The following GMDS variants were observed in gnomAD, a reference collection of about 807,000 sequenced individuals.
The protein encoded by GMDS is GDP-mannose 4,6-dehydratase, also known as GDP-mannose 4,6 dehydratase.
GMDS carries 20 observed loss-of-function variants against 49.9 expected under a neutral mutation model. The ratio of observed to expected loss-of-function variants is 0.40; its 90% CI spans 0.28 to 0.58. GMDS has a LOEUF of 0.58. GMDS is among the 20% of genes least tolerant of loss of function. The probability of loss-of-function intolerance (pLI) is 0.42; values close to 1 mark genes in which losing one functional copy is unlikely to be tolerated. For missense variants in GMDS, 362 were observed against 481.4 expected (o/e 0.75, Z 2.32); for synonymous variants, 177 against 178.6 (o/e 0.99, Z 0.07).
chr6:2,117,411 A>C, intron 3 of GMDS, 58 bp downstream of exon 3: 4 of 990,064 alleles, frequency 4.0e-6, no homozygotes, highest in Non-Finnish European at 6.5e-6. Flanking sequence ...TTATCTGAAC[A>C]TAGGAACATC....
chr6:1,870,231 C>T (rs1358268668), intron 7 of GMDS, among the ~76,000 whole-genome samples: 7 of 152,204 alleles, frequency 4.6e-5, no homozygotes, highest in Non-Finnish European at 7.3e-5. Context: ...ATGATCAATA[C>T]GGCAGGTTTG....
chr6:1,795,555 T>C (rs527614172), intron 7 of GMDS, among the ~76,000 whole-genome samples: 2 of 152,172 alleles, frequency 1.3e-5, no homozygotes, highest in Non-Finnish European at 2.9e-5. Context: ...GGGGAAAAAT[T>C]AAAAGGTGAA....
chr6:1,799,589 C>G (rs1769867781), intron 7 of GMDS, among the ~76,000 whole-genome samples: 1 of 151,974 alleles, frequency 6.6e-6, no homozygotes, highest in South Asian at 2.1e-4. Flanking sequence ...TAGTCACATT[C>G]TAGAATAACA....
intron 4 of GMDS, among the ~76,000 whole-genome samples, chr6:2,056,550 A>G (rs1770790201): frequency 6.6e-6 from 1 of 152,166 alleles, no homozygotes; most frequent in East Asian, 1.9e-4. Context: ...ACAAATTTCA[A>G]CACAAGAGAC....
At chr6:1,876,173 G>A (rs1009757804) in intron 7 of GMDS, among the ~76,000 whole-genome samples, 15 of 147,912 alleles carry the variant, frequency 1.0e-4, no homozygotes, top group African/African-American at 3.2e-4. Context: ...CAGGAGACTC[G>A]CTTGAACCCG....
chr6:1,989,280 G>A (rs933570849), intron 4 of GMDS, among the ~76,000 whole-genome samples: 6 of 152,196 alleles, frequency 3.9e-5, no homozygotes, highest in Admixed American at 3.9e-4. Context: ...CTTGGTGTGA[G>A]GAAGAGAAGC....
At chr6:2,067,502 A>G (rs1771683676) in intron 4 of GMDS, among the ~76,000 whole-genome samples, 1 of 152,158 alleles carries the variant, frequency 6.6e-6, no homozygotes, top group Admixed American at 6.6e-5. Context: ...GATCAACAAA[A>G]TTGATAAACC....
intron 7 of GMDS, among the ~76,000 whole-genome samples, chr6:1,883,461 T>C (rs1759459304): frequency 6.6e-6 from 1 of 152,178 alleles, no homozygotes; most frequent in Admixed American, 6.5e-5. Flanking sequence ...TTTTTATACA[T>C]TGATTAATGG....
chr6:2,084,739 C>T (rs1276118418), intron 4 of GMDS, among the ~76,000 whole-genome samples: 1 of 152,104 alleles, frequency 6.6e-6, no homozygotes, highest in Non-Finnish European at 1.5e-5. Flanking sequence ...GATCTCCTGA[C>T]CTTGTGATCC....
chr6:1,696,693 A>C (rs538479524), intron 9 of GMDS, among the ~76,000 whole-genome samples: 1 of 152,362 alleles, frequency 6.6e-6, no homozygotes, highest in East Asian at 1.9e-4. Flanking sequence ...ATGACCTGAT[A>C]CAAGTCATAG....
chr6:2,202,415 A>C (rs1405345012), intron 1 of GMDS, among the ~76,000 whole-genome samples: 1 of 146,828 alleles, frequency 6.8e-6, no homozygotes, highest in Non-Finnish European at 1.5e-5. Flanking sequence ...GTCGAGTAAG[A>C]CTGCTGCCAA....
intron 1 of GMDS, among the ~76,000 whole-genome samples, chr6:2,209,146 T>A (rs1779945206): frequency 6.6e-6 from 1 of 152,240 alleles, no homozygotes; most frequent in Non-Finnish European, 1.5e-5. Context: ...AGACTTCTTA[T>A]AACATCTTTT....
At chr6:1,747,801 T>C (rs1767569116) in intron 7 of GMDS, among the ~76,000 whole-genome samples, 1 of 152,184 alleles carries the variant, frequency 6.6e-6, no homozygotes, top group South Asian at 2.1e-4. Context: ...AATAAAACTA[T>C]ACTAATAAAA....
At chr6:1,644,713 G>T (rs1055884974) in intron 9 of GMDS, among the ~76,000 whole-genome samples, 8 of 152,142 alleles carry the variant, frequency 5.3e-5, no homozygotes, top group Non-Finnish European at 7.3e-5. Context: ...AGGTTTTCTG[G>T]TGACCACAGA....
intron 1 of GMDS, among the ~76,000 whole-genome samples, chr6:2,222,713 G>T (rs940875906): frequency 6.6e-6 from 1 of 152,218 alleles, no homozygotes; most frequent in African/African-American, 2.4e-5. Context: ...CAGGCGGTCA[G>T]TAGGCACCAC....
At chr6:1,896,146 T>C (rs1760166563) in intron 7 of GMDS, among the ~76,000 whole-genome samples, 1 of 152,186 alleles carries the variant, frequency 6.6e-6, no homozygotes, top group South Asian at 2.1e-4. Flanking sequence ...TTTCTCAAAC[T>C]TGGCACTACT....
chr6:1,944,202 C>G (rs1762950350), intron 6 of GMDS, among the ~76,000 whole-genome samples: 1 of 152,136 alleles, frequency 6.6e-6, no homozygotes, highest in Non-Finnish European at 1.5e-5. Flanking sequence ...TAAGGCAGAG[C>G]CACTTCCTAA....
chr6:1,650,712 T>A (rs1194230518), intron 9 of GMDS, among the ~76,000 whole-genome samples: 1 of 151,788 alleles, frequency 6.6e-6, no homozygotes, highest in Non-Finnish European at 1.5e-5. Context: ...AGTAGCTGGA[T>A]TACAGGTGTG....
intron 7 of GMDS, among the ~76,000 whole-genome samples, chr6:1,873,293 G>A (rs1253319457): frequency 1.3e-5 from 2 of 152,148 alleles, no homozygotes; most frequent in African/African-American, 2.4e-5. Context: ...GTTTGCATTT[G>A]ACCTCCTCCC....
Sources: gnomAD v4.1 joint callset for allele counts (sites outside exome capture counted in the v4.1 genomes callset) on GRCh38, gnomAD v4.1.1 for gene constraint, MANE v1.5 for transcripts, NCBI Gene and HGNC (gene_info 2026-07-23, HGNC 2026-07-21) for gene names.